The following TAPT1 variants were observed in gnomAD, a reference collection of about 807,000 sequenced individuals.
TAPT1 encodes the protein transmembrane anterior posterior transformation protein 1 homolog.
A neutral mutation model predicts 65.6 loss-of-function variants in TAPT1; 28 were observed. The observed-to-expected ratio is 0.43, with a 90% CI of 0.32 to 0.59. The LOEUF is 0.59. TAPT1 is among the 20% of genes least tolerant of loss of function. The pLI is 0.09. For missense variants in TAPT1, 563 were observed against 679.9 expected, an observed-to-expected ratio of 0.83 and a Z score of 1.91; for synonymous variants, 278 against 245.2, an observed-to-expected ratio of 1.13 and a Z score of -1.25.
chr4:16,202,494 G>C lies in TAPT1; in HGVS notation c.417C>G (p.Phe139Leu). Reference sequence around the variant, plus strand: ...CATAGCAAGGCAAAGTGAGGAGCCTGAATAGTGCCAGGAAAACTCTTAAAG... The same window carrying C: ...CATAGCAAGGCAAAGTGAGGAGCCTCAATAGTGCCAGGAAAACTCTTAAAG... ...LLPLRVFLAL[F>L]RLLTLPCYGL... The change falls in exon 3 of 14, where the codon TTC (phenylalanine) becomes TTG (leucine). Residue 139 changes from phenylalanine to leucine, a missense_variant. Physicochemically the swap from Phe to Leu is conservative, Grantham distance 22. Coordinates refer to ENST00000405303, the MANE Select transcript of TAPT1 (RefSeq NM_153365.3). The C allele has an allele frequency of 6.4e-7, 1 of 1,551,694 alleles. No homozygotes were observed. Among genetic ancestry groups the C allele is most frequent in the Non-Finnish European group, 8.7e-7 (1 of 1,147,052 alleles).
At chr4:16,204,101 A>G (rs1214302959) in intron 2 of TAPT1, among the ~76,000 whole-genome samples, 2 of 152,198 alleles carry the variant, frequency 1.3e-5, no homozygotes, top group Non-Finnish European at 2.9e-5. Flanking sequence ...GTCCTTTTCT[A>G]TTACTCTCCT....
chr4:16,227,026 A>T (rs1751626230), upstream of TAPT1: 2 of 452,878 alleles, frequency 4.4e-6, no homozygotes, highest in Non-Finnish European at 8.8e-6. Flanking sequence ...CAGATCACCG[A>T]CCCCCACGAG....
At chr4:16,207,769 A>G (rs1304383135) in intron 2 of TAPT1, among the ~76,000 whole-genome samples, 3 of 152,256 alleles carry the variant, frequency 2.0e-5, no homozygotes, top group Non-Finnish European at 1.5e-5. Context: ...TAATAACAAT[A>G]TATCAATACT....
chr4:16,223,300 T>C (rs1322756794), intron 1 of TAPT1, among the ~76,000 whole-genome samples: 2 of 152,230 alleles, frequency 1.3e-5, no homozygotes, highest in Non-Finnish European at 2.9e-5. Flanking sequence ...CTTCTGCAGA[T>C]GAATCAAGTG....
At chr4:16,172,670 T>TA (rs1251351779) in intron 11 of TAPT1, among the ~76,000 whole-genome samples, 4 of 151,970 alleles carry the variant, frequency 2.6e-5, no homozygotes, top group African/African-American at 4.8e-5. Context: ...ATCTGTCATC[T>TA]AAAAAAAAGT....
intron 9 of TAPT1, among the ~76,000 whole-genome samples, chr4:16,175,683 G>T (rs1387923526): frequency 1.3e-5 from 2 of 152,032 alleles, no homozygotes; most frequent in Non-Finnish European, 2.9e-5. Context: ...ACTTTCACCA[G>T]AAAAATGTAG....
At chr4:16,172,202 TA>T (rs1447508160) in intron 11 of TAPT1, among the ~76,000 whole-genome samples, 1 of 152,242 alleles carries the variant, frequency 6.6e-6, no homozygotes, top group African/African-American at 2.4e-5. Flanking sequence ...AAAACTCATT[TA>T]AAGAATAAAA....
intron 8 of TAPT1, chr4:16,179,207 C>G (rs1748552264): frequency 6.1e-6 from 1 of 163,200 alleles, no homozygotes; most frequent in African/African-American, 2.4e-5. Context: ...CACACCCAGA[C>G]TATATGGTAT....
chr4:16,208,092 C>T (rs1460234100), intron 2 of TAPT1, among the ~76,000 whole-genome samples: 1 of 151,898 alleles, frequency 6.6e-6, no homozygotes, highest in Non-Finnish European at 1.5e-5. Context: ...ACATATTTAA[C>T]CCAAGAAATA....
At chr4:16,186,132 A>C (rs1749001405) in intron 7 of TAPT1, among the ~76,000 whole-genome samples, 2 of 152,316 alleles carry the variant, frequency 1.3e-5, no homozygotes, top group African/African-American at 4.8e-5. Context: ...AATAATAACT[A>C]AATAATAACT....
intron 4 of TAPT1, chr4:16,190,191 C>T (rs1433989155): frequency 1.3e-5 from 2 of 152,170 alleles, no homozygotes; most frequent in East Asian, 1.9e-4. Context: ...CCTTGTCTAC[C>T]ACAGCGATGC....
chr4:16,170,670 G>C lies in TAPT1; in HGVS notation c.1296C>G (p.Val432=). 1 of 1,613,128 alleles carries C rather than the reference G, an allele frequency of 6.2e-7. No homozygotes were observed. The highest frequency in any genetic ancestry group is 8.5e-7 in the Non-Finnish European group (1 of 1,179,234). ...AATCTTACCCAAAATAGAAGAGTAT[G>C]ACACAGGCATAAGACAGGATTCCTT... ...KVQGILSYAC[V]ILFYFGLISL... The change falls in exon 12 of 14, where the codon GTC becomes GTG. Residue 432 remains valine (V), a synonymous_variant. Transcript: ENST00000405303.
chr4:16,215,315 T>C (rs1185237797), intron 1 of TAPT1, among the ~76,000 whole-genome samples: 1 of 151,878 alleles, frequency 6.6e-6, no homozygotes, highest in African/African-American at 2.4e-5. Context: ...AAAATATATA[T>C]ATATATCTCC....
chr4:16,179,795 T>G (rs866960814), intron 7 of TAPT1, 138 bp from the exon 8 acceptor site: 2 of 426,230 alleles, frequency 4.7e-6, no homozygotes, highest in African/African-American at 2.4e-5. Context: ...ACTTTATATA[T>G]ATATATATGT....
intron 5 of TAPT1, 88 bp downstream of exon 5, chr4:16,188,132 T>A: frequency 8.8e-7 from 1 of 1,130,248 alleles, no homozygotes; most frequent in Non-Finnish European, 1.2e-6. Context: ...TATCTATATA[T>A]CTTTAAATCT....
intron 3 of TAPT1, among the ~76,000 whole-genome samples, chr4:16,193,297 G>A (rs902087845): frequency 1.3e-5 from 2 of 152,160 alleles, no homozygotes; most frequent in Non-Finnish European, 2.9e-5. Context: ...CTTAAGATGG[G>A]TATGAAAAGC....
At chr4:16,207,795 A>C (rs1168302746) in intron 2 of TAPT1, among the ~76,000 whole-genome samples, 1 of 152,206 alleles carries the variant, frequency 6.6e-6, no homozygotes, top group Non-Finnish European at 1.5e-5. Context: ...CTTCAATCTG[A>C]CAAATTTAAG....
intron 12 of TAPT1, 73 bp downstream of exon 12, chr4:16,170,580 G>T: frequency 9.5e-7 from 1 of 1,054,714 alleles, no homozygotes; most frequent in Non-Finnish European, 1.4e-6. Flanking sequence ...TGATTGGGAT[G>T]CTACTAACTT....
At chr4:16,218,733 G>A (rs1472404320) in intron 1 of TAPT1, among the ~76,000 whole-genome samples, 5 of 152,276 alleles carry the variant, frequency 3.3e-5, no homozygotes, top group East Asian at 1.9e-4. Context: ...AAAGCATGAC[G>A]CAGTGTCTTC....
Sources: gnomAD v4.1 joint callset for allele counts (sites outside exome capture counted in the v4.1 genomes callset) on GRCh38, gnomAD v4.1.1 for gene constraint, MANE v1.5 for transcripts, NCBI Gene and HGNC (gene_info 2026-07-23, HGNC 2026-07-21) for gene names.